CAMK1G: variants seen among roughly 807,000 people sequenced by gnomAD.
The protein encoded by CAMK1G is calcium/calmodulin dependent protein kinase IG, also known as calcium/calmodulin-dependent protein kinase type 1G.
A neutral mutation model predicts 54.8 loss-of-function variants in CAMK1G; 27 were observed. The observed-to-expected ratio is 0.49, with a 90% CI of 0.36 to 0.68. CAMK1G has a LOEUF of 0.68. CAMK1G is among the 30% of genes least tolerant of loss of function. The pLI is 0.00. For synonymous variants in CAMK1G, 238 were observed against 224.9 expected, an observed-to-expected ratio of 1.06 and a Z score of -0.52; for missense variants, 512 against 591.0, an observed-to-expected ratio of 0.87 and a Z score of 1.39.
intron 3 of CAMK1G, 63 bp from the exon 4 acceptor site, chr1:209,603,151 C>A: frequency 6.4e-7 from 1 of 1,552,208 alleles, no homozygotes; most frequent in South Asian, 1.1e-5. Context: ...TGGGCTAGGT[C>A]TGCATTATTT....
chr1:209,595,013 T>C lies in CAMK1G; in HGVS notation c.30T>C (p.Ser10=). 2 of 1,614,044 alleles carry C rather than the reference T, an allele frequency of 1.2e-6. No homozygotes were observed. Among genetic ancestry groups the C allele is most frequent in the Non-Finnish European group, 1.7e-6 (2 of 1,179,984 alleles). ...GTCGAAAGGAAGAAGATGACTGCAG[T>C]TCCTGGAAGAAACAGACCACCAACA... The part of the protein sequence containing the change: MGRKEEDDC[S]SWKKQTTNIR... The change falls in exon 2 of 13, where the codon AGT becomes AGC. Residue 10 remains serine (S), a synonymous_variant. Coordinates refer to ENST00000361322, the MANE Select transcript of CAMK1G (RefSeq NM_020439.3).
At chr1:209,592,344 CAAAAAAAAAAAA>C (rs56012133) in intron 1 of CAMK1G, among the ~76,000 whole-genome samples, 1 of 70,214 alleles carries the variant, frequency 1.4e-5, no homozygotes, top group Non-Finnish European at 3.1e-5. Flanking sequence ...GACTCTGTCT[CAAAAAAAAAAAA>C]AAAAAAAACT....
intron 1 of CAMK1G, among the ~76,000 whole-genome samples, chr1:209,591,473 C>G (rs1460279523): frequency 6.6e-6 from 1 of 152,218 alleles, no homozygotes; most frequent in African/African-American, 2.4e-5. Context: ...TTCTCATGAA[C>G]TCCCATCCCA....
chr1:209,589,807 TTA>T (rs1200292869), intron 1 of CAMK1G, among the ~76,000 whole-genome samples: 2 of 152,208 alleles, frequency 1.3e-5, no homozygotes. Flanking sequence ...AAATGTCTAT[TTA>T]TAGCCCAAAT....
intron 3 of CAMK1G, among the ~76,000 whole-genome samples, 177 bp downstream of exon 3, chr1:209,600,288 AT>A (rs10641906): frequency 6.5e-4 from 96 of 148,434 alleles, no homozygotes; most frequent in East Asian, 3.2e-3. Context: ...GTCCTAGCTG[AT>A]TTTTTTTTTT....
chr1:209,603,130 A>T, intron 3 of CAMK1G, 84 bp from the exon 4 acceptor site: 1 of 1,338,520 alleles, frequency 7.5e-7, no homozygotes, highest in Non-Finnish European at 1.1e-6. Context: ...AAAGCCTCCA[A>T]CAGAAACTTT....
At chr1:209,599,949 T>C in intron 2 of CAMK1G, 34 bp from the exon 3 acceptor site, 2 of 1,610,018 alleles carry the variant, frequency 1.2e-6, no homozygotes, top group Non-Finnish European at 1.7e-6. Flanking sequence ...GTCTGCCCCC[T>C]ACTAAGTTTT....
chr1:209,597,099 C>T (rs750331943), intron 2 of CAMK1G, among the ~76,000 whole-genome samples: 79 of 152,146 alleles, frequency 5.2e-4, no homozygotes, highest in Non-Finnish European at 9.4e-4. Context: ...GACCAGTATT[C>T]CCAGGCTGCA....
At chr1:209,603,048 G>A (rs1665567522) in intron 3 of CAMK1G, 166 bp from the exon 4 acceptor site, 1 of 163,786 alleles carries the variant, frequency 6.1e-6, no homozygotes, top group South Asian at 2.0e-4. Context: ...TCTTTTCTCT[G>A]GGATTAATTT....
At chr1:209,600,817 T>C (rs937042993) in intron 3 of CAMK1G, among the ~76,000 whole-genome samples, 1 of 152,226 alleles carries the variant, frequency 6.6e-6, no homozygotes, top group African/African-American at 2.4e-5. Flanking sequence ...AGATGGACCT[T>C]GATAGATGAG....
intron 10 of CAMK1G, 37 bp downstream of exon 10, chr1:209,611,589 T>G: frequency 6.3e-7 from 1 of 1,588,606 alleles, no homozygotes; most frequent in South Asian, 1.1e-5. Flanking sequence ...AAAGCTGTTC[T>G]GGGCCCCTGG....
rs149738199 is a variant in CAMK1G at position 209,606,602 on chromosome 1, G to T, written c.559+159G>T. Among the ~76,000 whole-genome samples the T allele has an allele frequency of 4.4e-3, 664 of 152,290 alleles. 3 individuals carry two copies. Among genetic ancestry groups the T allele is most frequent in the African/African-American group, 0.015 (627 of 41,562 alleles). On this transcript the variant is annotated intron_variant, in intron 6 of 12. Transcript: ENST00000361322. ...AAGTTTAGGGCCAGCCAATTCATCC[G>T]TCTCAGGATCTATCTCTACTGCTCC...
chr1:209,609,592 G>A (rs1665732012), intron 8 of CAMK1G, among the ~76,000 whole-genome samples: 1 of 152,234 alleles, frequency 6.6e-6, no homozygotes, highest in African/African-American at 2.4e-5. Context: ...TGATGTGCAG[G>A]CACATGGGGG....
chr1:209,596,223 G>A (rs187872812), intron 2 of CAMK1G, among the ~76,000 whole-genome samples: 377 of 152,338 alleles, frequency 2.5e-3, no homozygotes, highest in African/African-American at 8.4e-3. Flanking sequence ...GCGGGGTGCT[G>A]GTCATGAGAG....
At chr1:209,596,675 A>ACC (rs1459767035) in intron 2 of CAMK1G, among the ~76,000 whole-genome samples, 1 of 145,298 alleles carries the variant, frequency 6.9e-6, no homozygotes, top group East Asian at 2.0e-4. Flanking sequence ...ACACACACAC[A>ACC]CACACACACA....
chr1:209,587,821 T>TTTTGTGTGTGTGA (rs1665140589), intron 1 of CAMK1G, among the ~76,000 whole-genome samples: 1 of 151,236 alleles, frequency 6.6e-6, no homozygotes, highest in Non-Finnish European at 1.5e-5. Flanking sequence ...CAAGAAAACT[T>TTTTGTGTGTGTGA]CCCAACTTTT....
At chr1:209,595,599 T>C (rs776354237) in intron 2 of CAMK1G, among the ~76,000 whole-genome samples, 3 of 152,078 alleles carry the variant, frequency 2.0e-5, no homozygotes, top group Non-Finnish European at 2.9e-5. Context: ...CCAGTGACAC[T>C]AGAACTTTCC....
intron 1 of CAMK1G, among the ~76,000 whole-genome samples, chr1:209,590,518 T>C (rs1665218902): frequency 6.6e-6 from 1 of 152,214 alleles, no homozygotes; most frequent in Non-Finnish European, 1.5e-5. Flanking sequence ...AAGAATACTA[T>C]GTTTTTAAAG....
At chr1:209,602,818 T>G (rs1665561843) in intron 3 of CAMK1G, among the ~76,000 whole-genome samples, 1 of 152,210 alleles carries the variant, frequency 6.6e-6, no homozygotes, top group South Asian at 2.1e-4. Context: ...TATGGGATAC[T>G]CAACCTGTAC....
Sources: allele counts gnomAD v4.1 joint callset (sites outside exome capture counted in the v4.1 genomes callset), GRCh38; gene constraint gnomAD v4.1.1; transcripts MANE v1.5; gene names NCBI Gene and HGNC (gene_info 2026-07-23, HGNC 2026-07-21).